CNIH3: variants seen among roughly 807,000 people sequenced by gnomAD.
CNIH3 encodes the protein protein cornichon homolog 3.
A neutral mutation model predicts 24.1 loss-of-function variants in CNIH3; 14 were observed. The ratio of observed to expected loss-of-function variants is 0.58; its 90% CI spans 0.38 to 0.91. CNIH3 has a LOEUF of 0.91. CNIH3 is among the 40% of genes least tolerant of loss of function. The pLI is 0.00. For missense variants in CNIH3, 178 were observed against 196.8 expected (o/e 0.90, Z 0.57); for synonymous variants, 68 against 73.8 (o/e 0.92, Z 0.40).
intron 3 of CNIH3, among the ~76,000 whole-genome samples, chr1:224,711,890 A>G (rs1018359685): frequency 6.6e-6 from 1 of 151,792 alleles, no homozygotes; most frequent in Non-Finnish European, 1.5e-5. Context: ...CACAACTCCA[A>G]TAATTATTTC....
chr1:224,616,937 C>G lies in CNIH3; in HGVS notation c.-238C>G. 1 of 1,363,270 alleles carries G rather than the reference C, an allele frequency of 7.3e-7. No individual in the cohort carries two copies. The highest frequency in any genetic ancestry group is 9.4e-7 in the Non-Finnish European group (1 of 1,063,656). The allele number at this position is 1,363,270 out of a possible 1,614,324, so 84.4% of individuals were successfully genotyped here. A position where few individuals can be genotyped will look rare whatever the true frequency, so the allele number is the denominator to read the frequency against. On this transcript the variant is annotated 5_prime_UTR_variant, in exon 1 of 6. Transcript: ENST00000272133. Reference sequence around the variant, plus strand: ...TTGCGGACGGTTCCCTCCAGCGACTCTCGACACACGTTTTCCTGTCTTCGC... The same window carrying G: ...TTGCGGACGGTTCCCTCCAGCGACTGTCGACACACGTTTTCCTGTCTTCGC...
At chr1:224,736,631 A>G (rs1400852153) in intron 5 of CNIH3, among the ~76,000 whole-genome samples, 1 of 152,112 alleles carries the variant, frequency 6.6e-6, no homozygotes, top group Non-Finnish European at 1.5e-5. Flanking sequence ...GGAGCATTCT[A>G]CTTGGTTCTG....
At chr1:224,597,844 A>G (rs949897069) in intron 3 of CNIH3, among the ~76,000 whole-genome samples, 2 of 152,242 alleles carry the variant, frequency 1.3e-5, no homozygotes, top group Non-Finnish European at 2.9e-5. Flanking sequence ...AGTCAGAAAC[A>G]GGTAAAATGA....
At chr1:224,524,037 A>T (rs1678745135) in intron 2 of CNIH3, among the ~76,000 whole-genome samples, 1 of 152,218 alleles carries the variant, frequency 6.6e-6, no homozygotes. Flanking sequence ...AAAAGTACTA[A>T]GTTATAAACT....
rs58182294 is a variant in CNIH3, at chr1:224,562,599, G to T, written n.451-3600G>T. 1.0e-3 allele frequency among the ~76,000 whole-genome samples: 158 copies of T among 152,242 alleles called. 4 individuals are homozygous for T. The highest frequency in any genetic ancestry group is 9.2e-3 in the Admixed American group (140 of 15,290). On this transcript the variant is annotated intron_variant and non_coding_transcript_variant, in intron 3 of 5. Coordinates refer to the CNIH3 transcript ENST00000471578. Reference sequence around the variant, plus strand: ...GATCCCCAGTATTGGAAGATGGGGCGTAATGGGAGGTGTTTGGATCAGGTG... The same window carrying T: ...GATCCCCAGTATTGGAAGATGGGGCTTAATGGGAGGTGTTTGGATCAGGTG...
chr1:224,579,304 C>T (rs768683448), intron 4 of CNIH3, among the ~76,000 whole-genome samples: 6 of 152,166 alleles, frequency 3.9e-5, no homozygotes, highest in South Asian at 2.1e-4. Flanking sequence ...CCTCAAATGC[C>T]GCAATGAGTC....
intron 2 of CNIH3, chr1:224,529,318 A>AT (rs996697861): frequency 2.6e-5 from 4 of 152,170 alleles, no homozygotes; most frequent in Non-Finnish European, 4.4e-5. Flanking sequence ...AGCATCTTAA[A>AT]TTTTTTTGTT....
intron 3 of CNIH3, among the ~76,000 whole-genome samples, chr1:224,709,036 G>T (rs980928384): frequency 6.6e-6 from 1 of 152,194 alleles, no homozygotes; most frequent in African/African-American, 2.4e-5. Context: ...GCTGGAGTGG[G>T]TAGCTGATTA....
At chr1:224,725,175 A>G (rs1688953481) in intron 3 of CNIH3, among the ~76,000 whole-genome samples, 1 of 152,192 alleles carries the variant, frequency 6.6e-6, no homozygotes, top group South Asian at 2.1e-4. Flanking sequence ...GTGCTACTGC[A>G]CTCCAGCTTG....
At chr1:224,442,976 G>A (rs1674985039) in intron 1 of CNIH3, among the ~76,000 whole-genome samples, 1 of 152,164 alleles carries the variant, frequency 6.6e-6, no homozygotes, top group Non-Finnish European at 1.5e-5. Context: ...AACCTAATTA[G>A]TAGTAGGTAA....
chr1:224,437,333 T>G (rs1218268410), intron 1 of CNIH3, among the ~76,000 whole-genome samples: 4 of 152,260 alleles, frequency 2.6e-5, no homozygotes, highest in African/African-American at 9.6e-5. Flanking sequence ...GGTCTCTATT[T>G]GACCCATCTT....
chr1:224,498,840 G>A (rs769003438), intron 1 of CNIH3, among the ~76,000 whole-genome samples: 4 of 152,228 alleles, frequency 2.6e-5, no homozygotes, highest in Non-Finnish European at 4.4e-5. Context: ...AAGGGCAGCG[G>A]GGAAAGGCGA....
intron 3 of CNIH3, among the ~76,000 whole-genome samples, chr1:224,729,337 A>G (rs1240962684): frequency 6.7e-6 from 1 of 148,482 alleles, no homozygotes; most frequent in Non-Finnish European, 1.5e-5. Context: ...GCTTGAACCC[A>G]GGAGGCAGAG....
intron 1 of CNIH3, among the ~76,000 whole-genome samples, chr1:224,642,598 A>G (rs767191748): frequency 2.8e-4 from 43 of 152,116 alleles, no homozygotes; most frequent in Admixed American, 1.1e-3. Context: ...CTGAGCCCGG[A>G]CTGATTCCAG....
At chr1:224,445,950 T>C (rs1006870899) in intron 1 of CNIH3, among the ~76,000 whole-genome samples, 2 of 152,206 alleles carry the variant, frequency 1.3e-5, no homozygotes, top group African/African-American at 4.8e-5. Flanking sequence ...GGGGCCACAG[T>C]TCATTGTTTT....
intron 3 of CNIH3, among the ~76,000 whole-genome samples, chr1:224,706,958 C>CTTT (rs71170031): frequency 4.1e-3 from 334 of 81,794 alleles, no homozygotes; most frequent in African/African-American, 5.4e-3. Flanking sequence ...TCCTTTCTTT[C>CTTT]TTTTTTTTTT....
intron 1 of CNIH3, among the ~76,000 whole-genome samples, chr1:224,639,056 ATTC>A (rs1013362175): frequency 3.9e-5 from 6 of 152,148 alleles, no homozygotes; most frequent in Non-Finnish European, 8.8e-5. Context: ...CAGGAAATGT[ATTC>A]TTATGGTTGT....
chr1:224,727,131 C>T (rs969135134), intron 3 of CNIH3, among the ~76,000 whole-genome samples: 6 of 152,174 alleles, frequency 3.9e-5, no homozygotes, highest in Admixed American at 1.3e-4. Context: ...TGTGTCCTGC[C>T]GGCCTCGATG....
At chr1:224,517,463 C>T (rs1263640100) in intron 1 of CNIH3, among the ~76,000 whole-genome samples, 1 of 152,064 alleles carries the variant, frequency 6.6e-6, no homozygotes, top group East Asian at 1.9e-4. Context: ...AAAGATATTC[C>T]TTTTTTTGTA....
Sources: gnomAD v4.1 joint callset for allele counts (sites outside exome capture counted in the v4.1 genomes callset) on GRCh38, gnomAD v4.1.1 for gene constraint, MANE v1.5 for transcripts, NCBI Gene and HGNC (gene_info 2026-07-23, HGNC 2026-07-21) for gene names.